Variants in IMPDH2 observed in about 807,000 individuals in gnomAD.
IMPDH2 encodes the protein inosine-5'-monophosphate dehydrogenase 2.
In IMPDH2, 33 loss-of-function variants were observed where a neutral mutation model predicts 57.8. The ratio of observed to expected loss-of-function variants is 0.57; its 90% confidence interval spans 0.43 to 0.76. IMPDH2 has a LOEUF of 0.76. Among genes scored for constraint, IMPDH2 ranks in the 30% least tolerant of loss-of-function variants. The pLI is 0.00. For synonymous variants in IMPDH2, 270 were observed against 241.3 expected (o/e 1.12, Z -1.10); for missense variants, 446 against 659.1 (o/e 0.68, Z 3.54).
At chr3:49,026,657 T>G (rs1458260086) in intron 7 of IMPDH2, 30 bp downstream of exon 7, 2 of 1,612,962 alleles carry the variant, frequency 1.2e-6, no homozygotes, top group Non-Finnish European at 1.7e-6. Flanking sequence ...GCTGCCCCTA[T>G]TGCCCCAACC....
chr3:49,028,621 G>GA, intron 2 of IMPDH2, 89 bp from the exon 3 acceptor site: 1 of 1,308,118 alleles, frequency 7.6e-7, no homozygotes. Flanking sequence ...ACTTTTGTAT[G>GA]ACCTGCATGC....
chr3:49,028,218 G>T, intron 4 of IMPDH2, 30 bp downstream of exon 4: 1 of 1,581,310 alleles, frequency 6.3e-7, no homozygotes, highest in Non-Finnish European at 8.7e-7. Context: ...ATTCCCAGGA[G>T]CGCTTGCTAA....
rs756584787 is a variant in IMPDH2, at chr3:49,024,773, C to T, written c.1325G>A (p.Gly442Glu). 6.2e-7 allele frequency: 1 copy of T among 1,614,206 alleles called. No homozygotes were observed. Among genetic ancestry groups the T allele is most frequent in the Non-Finnish European group, 8.5e-7 (1 of 1,180,040 alleles). The change falls in exon 12 of 14, where the codon GGA (glycine) becomes GAA (glutamate). Residue 442 changes from glycine (G) to glutamate (E), a missense_variant. By Grantham distance (98) the Gly-to-Glu change is moderately conservative. Transcript: ENST00000326739. ...SEADKIKVAQ[G>E]VSGAVQDKGS... is the part of the protein sequence containing the mutation. ...TTTGTCCTGCACAGCACCAGACACT[C>T]CCTGGGCCACTTTGATTTTGTCAGC...
intron 1 of IMPDH2, 198 bp downstream of exon 1, chr3:49,029,055 T>C (rs1292127503): frequency 2.9e-5 from 19 of 645,278 alleles, no homozygotes; most frequent in Non-Finnish European, 4.2e-5. Flanking sequence ...GGCCTGAGAT[T>C]CCAAGCACTA....
intron 9 of IMPDH2, among the ~76,000 whole-genome samples, chr3:49,025,578 C>T (rs2093194984): frequency 6.6e-6 from 1 of 152,192 alleles, no homozygotes; most frequent in African/African-American, 2.4e-5. Flanking sequence ...GCAGGAGTCA[C>T]CGTGCAGTTA....
At chr3:49,028,612 C>CT in intron 2 of IMPDH2, 80 bp from the exon 3 acceptor site, 1 of 1,340,708 alleles carries the variant, frequency 7.5e-7, no homozygotes, top group Non-Finnish European at 1.1e-6. Flanking sequence ...CAAAAAGGCA[C>CT]TTTTGTATGA....
At chr3:49,028,367 C>G (rs1337630428) in intron 3 of IMPDH2, 45 bp from the exon 4 acceptor site, 1 of 1,608,070 alleles carries the variant, frequency 6.2e-7, no homozygotes, top group South Asian at 1.1e-5. Flanking sequence ...AGAAGCAGGA[C>G]TGAATGCCTT....
Position 49,026,541 on chromosome 3 carries a change from A to G in IMPDH2, c.888T>C (p.Asn296=). 10 of 1,613,424 alleles carry G rather than the reference A, an allele frequency of 6.2e-6. No individual in the cohort carries two copies. The highest frequency in any genetic ancestry group is 8.5e-6 in the Non-Finnish European group (10 of 1,179,336). ...TACCATTGCCTCCAATGACTTGGAG[A>G]TTAGGGTATTTGTCTTTGATGTACT... ...MIKYIKDKYP[N]LQVIGGNVVT... is the part of the protein sequence containing the mutation. Residue 296 remains asparagine (N), a synonymous_variant, in exon 8 of 14, where the codon AAT becomes AAC. Transcript: ENST00000326739.
Position 49,029,340 on chromosome 3 carries a change from T to A in IMPDH2, c.11A>T (p.Tyr4Phe). The change falls in exon 1 of 14, where the codon TAC becomes TTC. Residue 4 changes from tyrosine to phenylalanine, a missense_variant. Physicochemically the swap from Tyr to Phe is conservative, Grantham distance 22 (BLOSUM62 3). Coordinates refer to ENST00000326739, the MANE Select transcript of IMPDH2 (RefSeq NM_000884.3). ...GTAGGACGTGCCCCCACTAATCAGG[T>A]AGTCGGCCATGGCCAACACAGGACA... is the stretch of plus-strand genomic sequence containing the variant. MAD[Y>F]LISGGTSYVP... 6.3e-7 allele frequency: 1 copy of A among 1,596,672 alleles called. No individual in the cohort carries two copies. The highest frequency in any genetic ancestry group is 8.5e-7 in the Non-Finnish European group (1 of 1,171,694).
At chr3:49,027,126 C>G in intron 5 of IMPDH2, 79 bp from the exon 6 acceptor site, 1 of 1,155,548 alleles carries the variant, frequency 8.7e-7, no homozygotes, top group South Asian at 1.2e-5. Flanking sequence ...TCCCAAGTAG[C>G]TGAGCTCAGA....
rs775798225 is a variant in IMPDH2 at position 49,027,782 on chromosome 3, G to C, written c.459C>G (p.Arg153=). The C allele has an allele frequency of 3.7e-6, 6 of 1,614,108 alleles. No homozygotes were observed. Among genetic ancestry groups the C allele is most frequent in the Non-Finnish European group, 5.1e-6 (6 of 1,180,048 alleles). The change falls in exon 5 of 14, where the codon CGC becomes CGG. Residue 153 remains arginine (R), a synonymous_variant. Coordinates refer to ENST00000326739, the MANE Select transcript of IMPDH2 (RefSeq NM_000884.3). The part of the protein sequence containing the change: ...PITDTGRMGS[R]LVGIISSRDI... ...CCCTGGAGGAGATGATGCCCACCAA[G>C]CGGCTCCCCATCCGGCCTGTGTCTG...
chr3:49,027,731 T>C lies in IMPDH2; in HGVS notation c.510A>G (p.Glu170=). 1 of 1,614,204 alleles carries C rather than the reference T, an allele frequency of 6.2e-7. No individual in the cohort carries two copies. The highest frequency in any genetic ancestry group is 8.5e-7 in the Non-Finnish European group (1 of 1,180,016). Residue 170 remains glutamate (E), a synonymous_variant, in exon 5 of 14, where the codon GAA becomes GAG. Coordinates refer to ENST00000326739, the MANE Select transcript of IMPDH2 (RefSeq NM_000884.3). ...CCACCTCTTCCAAGAAACAGTCATGTTCCTCCTCTTTGAGAAAATCAATGT... is the reference window on the plus strand; with the variant it reads ...CCACCTCTTCCAAGAAACAGTCATGCTCCTCCTCTTTGAGAAAATCAATGT... ...SRDIDFLKEE[E]HDCFLEEIMT...
At chr3:49,027,942 A>G (rs897845365) in intron 4 of IMPDH2, 26 bp from the exon 5 acceptor site, 1 of 1,554,374 alleles carries the variant, frequency 6.4e-7, no homozygotes, top group Non-Finnish European at 8.9e-7. Context: ...GAGAAAGGGC[A>G]TCGCATCTTT....
rs2093200281 is a variant in IMPDH2 at position 49,026,519 on chromosome 3, C to G, written c.910G>C (p.Val304Leu). The G allele has an allele frequency of 6.2e-7, 1 of 1,612,344 alleles. No individual in the cohort carries two copies. Among genetic ancestry groups the G allele is most frequent in the Non-Finnish European group, 8.5e-7 (1 of 1,178,312 alleles). ...YPNLQVIGGN[V>L]VTAAQAKNLI... is the part of the protein sequence containing the mutation. ...CCTTCAGGGCACAATCTTGCCTTAC[C>G]ATTGCCTCCAATGACTTGGAGATTA... is the stretch of plus-strand genomic sequence containing the variant. The change falls in exon 8 of 14, where the codon GTG becomes CTG. Residue 304 changes from valine to leucine, a missense_variant and splice_region_variant. By Grantham distance (32) the Val-to-Leu change is conservative (BLOSUM62 1). Transcript: ENST00000326739.
At chr3:49,025,589 G>A (rs2093195048) in intron 9 of IMPDH2, among the ~76,000 whole-genome samples, 1 of 152,218 alleles carries the variant, frequency 6.6e-6, no homozygotes, top group Non-Finnish European at 1.5e-5. Flanking sequence ...CGTGCAGTTA[G>A]TCCCCAGAGG....
In IMPDH2 at chr3:49,027,758, C is replaced by T. The variant is rs773592800; in HGVS notation, c.483G>A (p.Arg161=). Residue 161 remains arginine, a synonymous_variant, in exon 5 of 14, where the codon AGG becomes AGA. Transcript: ENST00000326739. ...CCTCCTCTTTGAGAAAATCAATGTC[C>T]CTGGAGGAGATGATGCCCACCAAGC... ...GSRLVGIISS[R]DIDFLKEEEH... 4 of 1,614,178 alleles carry T rather than the reference C, an allele frequency of 2.5e-6. No homozygotes were observed.
Position 49,026,983 on chromosome 3 carries a change from T to C in IMPDH2, c.596A>G (p.Glu199Gly). The C allele has an allele frequency of 6.2e-7, 1 of 1,614,168 alleles. No homozygotes were observed. The change falls in exon 6 of 14, where the codon GAA becomes GGA. Residue 199 changes from glutamate (E) to glycine (G), a missense_variant. Physicochemically the swap from Glu to Gly is moderately conservative, Grantham distance 98. Transcript: ENST00000326739. ...PAGITLKEAN[E>G]ILQRSKKGKL... is the part of the protein sequence containing the mutation. ...ACCCTTCTTGCTGCGCTGCAGAATT[T>C]CATTTGCCTCCTTCAGTGTGATGCC... is the stretch of plus-strand genomic sequence containing the variant.
intron 9 of IMPDH2, chr3:49,025,541 G>GC (rs1320398222): frequency 2.1e-6 from 1 of 468,808 alleles, no homozygotes; most frequent in Non-Finnish European, 3.9e-6. Flanking sequence ...AGCCGGGAAA[G>GC]CCCCCGTCCA....
At chr3:49,028,834 T>C in intron 1 of IMPDH2, 28 bp from the exon 2 acceptor site, 1 of 1,597,518 alleles carries the variant, frequency 6.3e-7, no homozygotes. Flanking sequence ...GAATTGGGAG[T>C]AAAGCTCTCA....
Sources: allele counts gnomAD v4.1 joint callset (sites outside exome capture counted in the v4.1 genomes callset), GRCh38; gene constraint gnomAD v4.1.1; transcripts MANE v1.5; gene names NCBI Gene and HGNC (gene_info 2026-07-23, HGNC 2026-07-21).